Variants in COL21A1 observed in about 807,000 individuals in gnomAD.
COL21A1 encodes collagen type XXI alpha 1 chain, also known as collagen alpha-1(XXI) chain.
A neutral mutation model predicts 137.9 loss-of-function variants in COL21A1; 149 were observed. The observed-to-expected ratio is 1.08, with a 90% CI of 0.95 to 1.24. The LOEUF (loss-of-function observed/expected upper bound fraction) is 1.24. Among genes scored for constraint, COL21A1 ranks in the 50% most tolerant of loss-of-function variants. COL21A1 has a pLI of 0.00. For synonymous variants in COL21A1, 456 were observed against 391.5 expected (o/e 1.16, Z -1.95); for missense variants, 1,167 against 1,158.4 (o/e 1.01, Z -0.11).
chr6:56,066,321 G>A (rs1237610346), intron 23 of COL21A1, among the ~76,000 whole-genome samples: 1 of 151,924 alleles, frequency 6.6e-6, no homozygotes, highest in Non-Finnish European at 1.5e-5. Flanking sequence ...TTCATTAATA[G>A]GAACTGTTAT....
intron 16 of COL21A1, among the ~76,000 whole-genome samples, chr6:56,118,909 A>G (rs575094495): frequency 1.3e-5 from 2 of 152,162 alleles, no homozygotes; most frequent in South Asian, 4.1e-4. Context: ...AAAAAAGTAG[A>G]TATAGAAGGA....
intron 14 of COL21A1, among the ~76,000 whole-genome samples, chr6:56,124,613 A>C (rs1772850976): frequency 6.7e-6 from 1 of 148,402 alleles, no homozygotes; most frequent in African/African-American, 2.5e-5. Context: ...ATAACATCAA[A>C]TTTCAGTGGA....
chr6:56,077,574 C>T lies in COL21A1; in HGVS notation c.1813-1G>A. 2 of 1,553,272 alleles carry T rather than the reference C, an allele frequency of 1.3e-6. No individual in the cohort carries two copies. The highest frequency in any genetic ancestry group is 1.7e-6 in the Non-Finnish European group (2 of 1,143,560). ...GGTTTCCAGGAAATCCTGGGATTCC[C>T]TAAAAACAAATAAAATAGATTTTTA... On this transcript the variant is annotated splice_acceptor_variant, in intron 17 of 29. Coordinates refer to ENST00000244728, the MANE Select transcript of COL21A1 (RefSeq NM_030820.4). LOFTEE classifies it high-confidence loss of function.
chr6:56,185,579 G>C (rs976108359), intron 1 of COL21A1, among the ~76,000 whole-genome samples: 5 of 150,772 alleles, frequency 3.3e-5, no homozygotes, highest in Non-Finnish European at 5.9e-5. Context: ...GGGACTACAG[G>C]CGCCCGCCAC....
At chr6:56,264,687 T>C (rs866940189) in intron 1 of COL21A1, among the ~76,000 whole-genome samples, 18 of 152,264 alleles carry the variant, frequency 1.2e-4, no homozygotes, top group African/African-American at 4.1e-4. Context: ...GAATTTATTA[T>C]GCATATACCT....
chr6:56,276,737 G>T, intron 1 of COL21A1: 1 of 1,326,494 alleles, frequency 7.5e-7, no homozygotes, highest in Non-Finnish European at 1.1e-6. Flanking sequence ...AAACAGAACT[G>T]CCATCAAGTA....
intron 1 of COL21A1, among the ~76,000 whole-genome samples, chr6:56,341,036 C>T (rs539376861): frequency 2.6e-5 from 4 of 152,116 alleles, no homozygotes; most frequent in Admixed American, 2.6e-4. Flanking sequence ...AGAGTCATAA[C>T]GTTTGTGGTC....
rs569296888 is a variant in COL21A1, at chr6:56,389,986, A to T, written c.-39+3985T>A. Among the ~76,000 whole-genome samples the T allele has an allele frequency of 2.1e-4, 32 of 152,344 alleles. 2 individuals are homozygous for T. The South Asian group carries it at 6.6e-3, about 32-fold the overall frequency. On this transcript the variant is annotated intron_variant, in intron 1 of 28. Coordinates refer to the COL21A1 transcript ENST00000370819. ...TGATAAACAACAATAAATCATCTGT[A>T]GGTATAAAACGCACTGGTAATAGTA...
chr6:56,075,756 T>C (rs1412458625), intron 18 of COL21A1, among the ~76,000 whole-genome samples: 1 of 151,462 alleles, frequency 6.6e-6, no homozygotes, highest in Non-Finnish European at 1.5e-5. Flanking sequence ...TAGTAACATT[T>C]GCCATTCTTT....
At chr6:56,295,247 A>G (rs1363660394) in intron 1 of COL21A1, among the ~76,000 whole-genome samples, 2 of 151,998 alleles carry the variant, frequency 1.3e-5, no homozygotes, top group African/African-American at 4.8e-5. Context: ...GTCAAAGATC[A>G]GTTGACTACA....
intron 1 of COL21A1, among the ~76,000 whole-genome samples, chr6:56,353,865 CA>C (rs925925737): frequency 4.0e-5 from 6 of 151,566 alleles, no homozygotes; most frequent in South Asian, 2.1e-4. Flanking sequence ...AAAAGTAGAA[CA>C]AAAAAAATTA....
At chr6:56,248,095 C>G (rs546938150), upstream of COL21A1, among the ~76,000 whole-genome samples, 94 of 152,326 alleles carry the variant, frequency 6.2e-4, no homozygotes, top group African/African-American at 2.0e-3. Context: ...CAAAGGAAGC[C>G]TCGGAATAAG....
At chr6:56,341,606 AG>A (rs1765469483) in intron 1 of COL21A1, among the ~76,000 whole-genome samples, 1 of 152,242 alleles carries the variant, frequency 6.6e-6, no homozygotes, top group South Asian at 2.1e-4. Flanking sequence ...GGTGGGGCAC[AG>A]AGGATTTAAT....
At position 56,386,796 on chromosome 6, in the gene COL21A1, G is replaced by T. The variant is rs373017415; in HGVS notation, c.-39+7175C>A. Among the ~76,000 whole-genome samples the T allele has an allele frequency of 9.9e-5, 15 of 152,196 alleles. 1 individual carries two copies. Among genetic ancestry groups the T allele is most frequent in the African/African-American group, 3.6e-4 (15 of 41,538 alleles). ...AGAAAGTAGAAAAGCCAGTTTTCCA[G>T]ATTAAATCTGATGACCTCATGAACA... On this transcript the variant is annotated intron_variant, in intron 1 of 28. Transcript: ENST00000370819.
chr6:56,320,978 G>A (rs1764851161), intron 1 of COL21A1, among the ~76,000 whole-genome samples: 1 of 152,112 alleles, frequency 6.6e-6, no homozygotes. Context: ...CCTGGACACA[G>A]TGGGGATTCA....
intron 1 of COL21A1, among the ~76,000 whole-genome samples, chr6:56,219,029 C>T (rs936253569): frequency 6.6e-6 from 1 of 151,724 alleles, no homozygotes; most frequent in Admixed American, 6.6e-5. Flanking sequence ...ATGAGCTGAG[C>T]AAAAATCAAA....
At chr6:56,237,181 T>C (rs1254287987) in intron 1 of COL21A1, among the ~76,000 whole-genome samples, 1 of 151,998 alleles carries the variant, frequency 6.6e-6, no homozygotes, top group Non-Finnish European at 1.5e-5. Flanking sequence ...TCTACAGTAA[T>C]AGACAGTAGC....
At chr6:56,185,537 G>A (rs1266613271) in intron 1 of COL21A1, among the ~76,000 whole-genome samples, 2 of 149,098 alleles carry the variant, frequency 1.3e-5, no homozygotes, top group African/African-American at 2.5e-5. Context: ...CCGGGTTCAC[G>A]CCATTCTCCT....
Position 56,309,495 on chromosome 6 carries a change from T to A in COL21A1, c.-39+84476A>T, listed in dbSNP as rs1421419049. Among the ~76,000 whole-genome samples the A allele has an allele frequency of 3.9e-5, 6 of 152,150 alleles. 1 individual carries two copies. The highest frequency in any genetic ancestry group is 7.4e-5 in the Non-Finnish European group (5 of 68,018). The stretch of plus-strand genomic sequence containing the variant: ...AACATTTTTCAGACAACCCCAGAGG[T>A]AGCTCTGGAATAAAATAGCCATCAC... On this transcript the variant is annotated intron_variant, in intron 1 of 28. Transcript: ENST00000370819.
Sources: allele counts gnomAD v4.1 joint callset (sites outside exome capture counted in the v4.1 genomes callset), GRCh38; gene constraint gnomAD v4.1.1; transcripts MANE v1.5; gene names NCBI Gene and HGNC (gene_info 2026-07-23, HGNC 2026-07-21).